ASIC2: variants seen among roughly 807,000 people sequenced by gnomAD.
The protein encoded by ASIC2 is acid sensing ion channel subunit 2.
Under a neutral mutation model 57.3 loss-of-function variants are expected in ASIC2, and 25 were observed. The ratio of observed to expected loss-of-function variants is 0.44; its 90% confidence interval spans 0.32 to 0.61. ASIC2 has a LOEUF of 0.61. ASIC2 is among the 20% of genes least tolerant of loss of function. The pLI, the probability that ASIC2 is intolerant of heterozygous loss-of-function variation, is 0.06. For synonymous variants in ASIC2, 319 were observed against 307.5 expected (o/e 1.04, Z -0.39); for missense variants, 641 against 738.1 (o/e 0.87, Z 1.52).
chr17:33,695,061 A>G (rs1366363831), intron 1 of ASIC2, among the ~76,000 whole-genome samples: 1 of 152,252 alleles, frequency 6.6e-6, no homozygotes, highest in East Asian at 1.9e-4. Context: ...CAGAAATTGT[A>G]TGGGAAAGAA....
intron 1 of ASIC2, among the ~76,000 whole-genome samples, chr17:33,305,420 G>A (rs966132131): frequency 1.3e-5 from 2 of 152,070 alleles, no homozygotes; most frequent in Admixed American, 6.6e-5. Context: ...TTGGTTATTT[G>A]TTTTTCACAC....
chr17:33,690,059 C>G (rs1050645038), intron 1 of ASIC2, among the ~76,000 whole-genome samples: 3 of 152,234 alleles, frequency 2.0e-5, no homozygotes, highest in Non-Finnish European at 2.9e-5. Context: ...CTCTAGGAAA[C>G]TAACTCTCTC....
chr17:33,826,166 C>T (rs1310653201), intron 1 of ASIC2, among the ~76,000 whole-genome samples: 1 of 152,166 alleles, frequency 6.6e-6, no homozygotes, highest in Non-Finnish European at 1.5e-5. Flanking sequence ...TAGATGGATA[C>T]AATACAGTTT....
intron 1 of ASIC2, among the ~76,000 whole-genome samples, chr17:33,599,687 C>A (rs1435768373): frequency 2.0e-5 from 3 of 152,154 alleles, no homozygotes; most frequent in Admixed American, 1.3e-4. Context: ...CTCTTCCCAG[C>A]ATCACAAACA....
chr17:33,454,695 T>G (rs1182644371), intron 1 of ASIC2, among the ~76,000 whole-genome samples: 2 of 152,180 alleles, frequency 1.3e-5, no homozygotes, highest in Non-Finnish European at 2.9e-5. Context: ...TTATACACAA[T>G]AGAAATGTGT....
intron 1 of ASIC2, among the ~76,000 whole-genome samples, chr17:33,660,518 T>G (rs773305160): frequency 6.6e-6 from 1 of 152,214 alleles, no homozygotes; most frequent in Non-Finnish European, 1.5e-5. Flanking sequence ...ACAATTAACT[T>G]TCTTTTTTAA....
At chr17:33,355,755 C>T (rs1023870408) in intron 1 of ASIC2, among the ~76,000 whole-genome samples, 5 of 152,170 alleles carry the variant, frequency 3.3e-5, no homozygotes, top group African/African-American at 1.2e-4. Flanking sequence ...TCAACATTTA[C>T]TGTTTATCTA....
chr17:33,215,771 C>G (rs1423854532), intron 1 of ASIC2, among the ~76,000 whole-genome samples: 1 of 151,042 alleles, frequency 6.6e-6, no homozygotes, highest in Non-Finnish European at 1.5e-5. Flanking sequence ...GCGATCTCGG[C>G]TCACTGCAGG....
intron 1 of ASIC2, among the ~76,000 whole-genome samples, chr17:33,862,757 G>T (rs55783993): frequency 0.29 from 43,396 of 152,082 alleles, 6,885 homozygotes; most frequent in East Asian, 0.61. Flanking sequence ...TTTGACAAAG[G>T]TTGTCACAAC....
chr17:33,591,675 T>C lies in ASIC2; in HGVS notation c.556-479608A>G, dbSNP rs542773508. Among the ~76,000 whole-genome samples the C allele has an allele frequency of 2.0e-5, 3 of 152,268 alleles. No individual in the cohort carries two copies. In the East Asian group the frequency reaches 5.8e-4, roughly 29 times the overall value. On this transcript the variant is annotated intron_variant, in intron 1 of 9. Coordinates refer to the ASIC2 transcript ENST00000359872. ...CCACCTCACCAGGAAATGTCTCAGATCTTATGTCTTGACTGATATAGGGGC... is the reference window on the plus strand; with the variant it reads ...CCACCTCACCAGGAAATGTCTCAGACCTTATGTCTTGACTGATATAGGGGC...
chr17:33,106,227 A>G (rs577184636), intron 2 of ASIC2, among the ~76,000 whole-genome samples: 2 of 152,270 alleles, frequency 1.3e-5, no homozygotes, highest in Admixed American at 1.3e-4. Flanking sequence ...GGGCAATAGG[A>G]GCTGAGGAAG....
Position 33,263,917 on chromosome 17 carries a change from G to A in ASIC2, c.708+27491C>T, listed in dbSNP as rs559445125. On this transcript the variant is annotated intron_variant, in intron 1 of 9. Transcript: ENST00000225823. ...CTAAGTATCAATAGGTCCCCAAGTC[G>A]CAGGGCTGGGAGCCTGGGAATAGAT... Among the ~76,000 whole-genome samples the A allele has an allele frequency of 3.8e-4, 57 of 151,542 alleles. 1 individual carries two copies. Among genetic ancestry groups the A allele is most frequent in the Non-Finnish European group, 6.5e-4 (44 of 67,950 alleles).
intron 1 of ASIC2, among the ~76,000 whole-genome samples, chr17:34,035,570 G>T (rs541647080): frequency 6.6e-6 from 1 of 151,912 alleles, no homozygotes; most frequent in Non-Finnish European, 1.5e-5. Flanking sequence ...CACATCAAAA[G>T]AAACTACCAT....
At chr17:33,729,339 A>T (rs1312567889) in intron 1 of ASIC2, among the ~76,000 whole-genome samples, 1 of 152,184 alleles carries the variant, frequency 6.6e-6, no homozygotes, top group Non-Finnish European at 1.5e-5. Flanking sequence ...TACCTCTAGG[A>T]TGGCACCAAG....
chr17:33,611,186 C>A (rs571307838), intron 1 of ASIC2, among the ~76,000 whole-genome samples: 2 of 152,306 alleles, frequency 1.3e-5, no homozygotes, highest in African/African-American at 2.4e-5. Context: ...CCCTTTCCCC[C>A]TCTCCTGTCC....
At chr17:33,505,965 T>C (rs1456273592) in intron 1 of ASIC2, among the ~76,000 whole-genome samples, 3 of 152,248 alleles carry the variant, frequency 2.0e-5, no homozygotes, top group African/African-American at 7.2e-5. Context: ...GGGATTGCTT[T>C]TTAAAAATCT....
At chr17:33,058,993 T>C (rs1460331253) in intron 3 of ASIC2, among the ~76,000 whole-genome samples, 1 of 152,084 alleles carries the variant, frequency 6.6e-6, no homozygotes, top group Non-Finnish European at 1.5e-5. Context: ...ATCAAGGAAA[T>C]GACACTTCCA....
chr17:33,579,354 T>C (rs1225507757), intron 1 of ASIC2, among the ~76,000 whole-genome samples: 2 of 150,846 alleles, frequency 1.3e-5, no homozygotes, highest in African/African-American at 4.9e-5. Context: ...GAACACGATG[T>C]GGCTTGGTAT....
At chr17:33,490,736 G>T (rs1250923186) in intron 1 of ASIC2, among the ~76,000 whole-genome samples, 1 of 152,138 alleles carries the variant, frequency 6.6e-6, no homozygotes, top group African/African-American at 2.4e-5. Context: ...ACCCAGTCTT[G>T]GGTATGTCTT....
Sources: gnomAD v4.1 joint callset for allele counts (sites outside exome capture counted in the v4.1 genomes callset) on GRCh38, gnomAD v4.1.1 for gene constraint, MANE v1.5 for transcripts, NCBI Gene and HGNC (gene_info 2026-07-23, HGNC 2026-07-21) for gene names.